The following MTSS1 variants were observed in gnomAD, a reference collection of about 807,000 sequenced individuals.
MTSS1 encodes MTSS I-BAR domain containing 1, also known as protein MTSS 1.
MTSS1 carries 18 observed loss-of-function variants against 79.0 expected under a neutral mutation model. The observed-to-expected ratio is 0.23, with a 90% CI of 0.16 to 0.34. The LOEUF (loss-of-function observed/expected upper bound fraction) is 0.34, where lower values mean the gene tolerates loss of function less well. MTSS1 is among the 10% of genes least tolerant of loss of function. The pLI is 1.00. For missense variants in MTSS1, 815 were observed against 986.2 expected (o/e 0.83, Z 2.33); for synonymous variants, 341 against 368.6 (o/e 0.93, Z 0.86).
At chr8:124,600,015 G>A (rs118182330) in intron 3 of MTSS1, among the ~76,000 whole-genome samples, 2,587 of 151,202 alleles carry the variant, frequency 0.017, 47 homozygotes, top group South Asian at 0.044. Context: ...GCCTGGCGTA[G>A]GCTCAAACGT....
At chr8:124,580,137 A>C in intron 6 of MTSS1, 1 of 160,322 alleles carries the variant, frequency 6.2e-6, no homozygotes, top group Non-Finnish European at 1.4e-5. Context: ...AACACAACCA[A>C]ATCTGATTTG....
chr8:124,635,449 A>T (rs908756467), intron 3 of MTSS1, among the ~76,000 whole-genome samples: 3 of 152,334 alleles, frequency 2.0e-5, no homozygotes, highest in Middle Eastern at 6.8e-3. Flanking sequence ...TTCACTGCAA[A>T]GCTCAGCAGA....
At chr8:124,569,788 T>C (rs1827343937) in intron 6 of MTSS1, among the ~76,000 whole-genome samples, 1 of 152,194 alleles carries the variant, frequency 6.6e-6, no homozygotes, top group African/African-American at 2.4e-5. Context: ...GCCAATCTGC[T>C]CATGTTTCAA....
At chr8:124,675,912 C>T (rs896717457) in intron 3 of MTSS1, among the ~76,000 whole-genome samples, 7 of 152,170 alleles carry the variant, frequency 4.6e-5, no homozygotes, top group African/African-American at 1.7e-4. Flanking sequence ...GAGATGTTTC[C>T]GCCTTTTGGT....
chr8:124,642,056 A>C (rs892203035), intron 3 of MTSS1, among the ~76,000 whole-genome samples: 1 of 152,246 alleles, frequency 6.6e-6, no homozygotes, highest in Non-Finnish European at 1.5e-5. Context: ...GAAAGTCTCC[A>C]AAAGTTGAAA....
chr8:124,691,695 T>C (rs1235399008), intron 3 of MTSS1, among the ~76,000 whole-genome samples: 1 of 152,132 alleles, frequency 6.6e-6, no homozygotes, highest in African/African-American at 2.4e-5. Flanking sequence ...TTTGTATTTT[T>C]AGTAGAGATG....
At position 124,696,820 on chromosome 8, in the gene MTSS1, C is replaced by T. The variant is rs1828908905; in HGVS notation, c.208+2706G>A. 2.0e-5 allele frequency among the ~76,000 whole-genome samples: 3 copies of T among 148,404 alleles called. No homozygotes were observed. In the South Asian group the frequency reaches 6.4e-4, roughly 32 times the overall value. ...GAGCTGAGATTGTGCCACTGCATTC[C>T]AGCCTGGGTGACAAGAGCAAGAGTC... On this transcript the variant is annotated intron_variant, in intron 3 of 13. Coordinates refer to ENST00000518547, the MANE Select transcript of MTSS1 (RefSeq NM_014751.6).
chr8:124,576,847 C>T (rs539064144), intron 6 of MTSS1, among the ~76,000 whole-genome samples: 1 of 152,338 alleles, frequency 6.6e-6, no homozygotes, highest in Admixed American at 6.5e-5. Flanking sequence ...ATATTTCAAG[C>T]AAGTTGTCTG....
At chr8:124,722,225 G>T (rs1450797445) in intron 1 of MTSS1, among the ~76,000 whole-genome samples, 2 of 152,060 alleles carry the variant, frequency 1.3e-5, no homozygotes, top group Non-Finnish European at 2.9e-5. Flanking sequence ...AAGGAGTTTT[G>T]TTGGTGAGCC....
chr8:124,611,108 C>CAT (rs756906311), intron 3 of MTSS1, among the ~76,000 whole-genome samples: 3,288 of 133,474 alleles, frequency 0.025, 201 homozygotes, highest in East Asian at 0.15. Flanking sequence ...CCAGACAGAC[C>CAT]CCCCCCCCCC....
At chr8:124,654,099 C>T (rs976610279) in intron 3 of MTSS1, among the ~76,000 whole-genome samples, 19 of 152,132 alleles carry the variant, frequency 1.2e-4, no homozygotes, top group African/African-American at 3.9e-4. Context: ...CTACCCCACA[C>T]GAGGGTAATG....
chr8:124,554,281 C>T (rs1452926783), intron 13 of MTSS1, among the ~76,000 whole-genome samples: 3 of 152,116 alleles, frequency 2.0e-5, no homozygotes, highest in East Asian at 1.9e-4. Flanking sequence ...TCTGAACCAC[C>T]GTACTATTGA....
chr8:124,680,990 A>C (rs923009819), intron 3 of MTSS1, among the ~76,000 whole-genome samples: 1 of 152,182 alleles, frequency 6.6e-6, no homozygotes, highest in Non-Finnish European at 1.5e-5. Flanking sequence ...ACCTTTAAGC[A>C]AGTTAATAAT....
intron 1 of MTSS1, among the ~76,000 whole-genome samples, chr8:124,716,926 C>T (rs896709695): frequency 2.0e-5 from 3 of 151,562 alleles, no homozygotes; most frequent in Admixed American, 6.6e-5. Flanking sequence ...GATAAAAAGT[C>T]CTTCGGGGGA....
intron 7 of MTSS1, chr8:124,568,068 CAAG>C: frequency 2.3e-6 from 2 of 881,898 alleles, no homozygotes; most frequent in Non-Finnish European, 3.2e-6. Flanking sequence ...GGGTTGGGCC[CAAG>C]AACTTGCATT....
chr8:124,590,279 G>T (rs1358045678), intron 4 of MTSS1, among the ~76,000 whole-genome samples: 2 of 152,160 alleles, frequency 1.3e-5, no homozygotes, highest in Admixed American at 1.3e-4. Context: ...GAACCACAGG[G>T]GTCACCCCTC....
At position 124,593,165 on chromosome 8, in the gene MTSS1, T is replaced by C. The variant is rs565258559; in HGVS notation, c.209-1930A>G. Among the ~76,000 whole-genome samples, 471 of 152,308 alleles carry C rather than the reference T, an allele frequency of 3.1e-3. 3 individuals are homozygous for C. Among genetic ancestry groups the C allele is most frequent in the African/African-American group, 0.011 (462 of 41,574 alleles). ...TGCCCCGCCTTCTGCGCTCTCCAAG[T>C]TCTGAGCTTTTTACTGCATATAAGC... is the stretch of plus-strand genomic sequence containing the variant. On this transcript the variant is annotated intron_variant, in intron 3 of 13. Transcript: ENST00000518547.
At chr8:124,651,762 G>C (rs971161642) in intron 3 of MTSS1, among the ~76,000 whole-genome samples, 1 of 152,150 alleles carries the variant, frequency 6.6e-6, no homozygotes, top group Non-Finnish European at 1.5e-5. Flanking sequence ...AATTCACTGA[G>C]CCTGGGTTAC....
At chr8:124,640,432 T>A (rs1157421663) in intron 3 of MTSS1, among the ~76,000 whole-genome samples, 1 of 152,196 alleles carries the variant, frequency 6.6e-6, no homozygotes, top group African/African-American at 2.4e-5. Context: ...TAGAGTTCTG[T>A]GGTCTTTCCG....
Sources: gnomAD v4.1 joint callset for allele counts (sites outside exome capture counted in the v4.1 genomes callset) on GRCh38, gnomAD v4.1.1 for gene constraint, MANE v1.5 for transcripts, NCBI Gene and HGNC (gene_info 2026-07-23, HGNC 2026-07-21) for gene names.